Variants in ULK4 observed in about 807,000 individuals in gnomAD.
ULK4 encodes inactive serine/threonine-protein kinase ULK4.
Under a neutral mutation model 160.6 loss-of-function variants are expected in ULK4, and 133 were observed. The ratio of observed to expected loss-of-function variants is 0.83; its 90% CI spans 0.72 to 0.96. ULK4 has a LOEUF of 0.96. ULK4 is among the 40% of genes least tolerant of loss of function. ULK4 has a pLI of 0.00. For missense variants in ULK4, 1,580 were observed against 1,499.5 expected, an observed-to-expected ratio of 1.05 and a Z score of -0.89; for synonymous variants, 534 against 539.8, an observed-to-expected ratio of 0.99 and a Z score of 0.15.
intron 35 of ULK4, among the ~76,000 whole-genome samples, chr3:41,364,487 T>C (rs114377481): frequency 0.013 from 2,022 of 152,332 alleles, 47 homozygotes; most frequent in African/African-American, 0.046. Context: ...TTGGCTAGCC[T>C]GTTTCACAGG....
chr3:41,403,496 G>A (rs1441970051), intron 34 of ULK4, among the ~76,000 whole-genome samples: 8 of 152,104 alleles, frequency 5.3e-5, no homozygotes, highest in African/African-American at 1.9e-4. Context: ...TTTGTCAGTT[G>A]GATAGAGGTT....
At chr3:41,897,278 A>G (rs1052132520) in intron 14 of ULK4, among the ~76,000 whole-genome samples, 3 of 152,230 alleles carry the variant, frequency 2.0e-5, no homozygotes, top group African/African-American at 4.8e-5. Flanking sequence ...CACAACCTAC[A>G]CTATAACAAA....
chr3:41,757,108 A>G (rs2038829358), intron 21 of ULK4, among the ~76,000 whole-genome samples: 3 of 152,192 alleles, frequency 2.0e-5, no homozygotes, highest in Non-Finnish European at 1.5e-5. Flanking sequence ...TTTTCTTGAT[A>G]TATAAATATC....
At chr3:41,722,534 G>A (rs1225896961) in intron 22 of ULK4, among the ~76,000 whole-genome samples, 1 of 152,158 alleles carries the variant, frequency 6.6e-6, no homozygotes, top group African/African-American at 2.4e-5. Context: ...GGGAGGCTGA[G>A]GCAGGAGAAT....
intron 21 of ULK4, among the ~76,000 whole-genome samples, chr3:41,781,644 C>T (rs772215511): frequency 6.6e-6 from 1 of 152,086 alleles, no homozygotes; most frequent in African/African-American, 2.4e-5. Context: ...ATAAATGAAA[C>T]AAAACTGGCC....
intron 19 of ULK4, among the ~76,000 whole-genome samples, chr3:41,803,898 G>A (rs1441177130): frequency 1.5e-4 from 23 of 152,164 alleles, no homozygotes; most frequent in Admixed American, 1.2e-3. Context: ...TTGGACATTT[G>A]GATTGGTTCC....
chr3:41,480,099 C>T lies in ULK4; in HGVS notation c.3227-16846G>A, dbSNP rs376093633. Among the ~76,000 whole-genome samples, 8 of 150,076 alleles carry T rather than the reference C, an allele frequency of 5.3e-5. No individual in the cohort carries two copies. In the East Asian group the frequency reaches 8.0e-4, roughly 15 times the overall value. On this transcript the variant is annotated intron_variant, in intron 32 of 36. Coordinates refer to ENST00000301831, the MANE Select transcript of ULK4 (RefSeq NM_017886.4). ...GCGGGCGCCTGTAGTCCCAGCTACT[C>T]GGGAAGCTGAGGCAGGAGAATGACG...
At chr3:41,754,874 G>C (rs2038745831) in intron 21 of ULK4, among the ~76,000 whole-genome samples, 1 of 152,150 alleles carries the variant, frequency 6.6e-6, no homozygotes, top group East Asian at 1.9e-4. Flanking sequence ...ACTACATGTA[G>C]ATATAAATCT....
intron 2 of ULK4, among the ~76,000 whole-genome samples, chr3:41,947,849 G>C (rs886912087): frequency 6.6e-6 from 1 of 151,944 alleles, no homozygotes; most frequent in African/African-American, 2.4e-5. Flanking sequence ...GGATCATTTC[G>C]CCCTCTAACA....
At chr3:41,392,092 G>A (rs535639266) in intron 35 of ULK4, among the ~76,000 whole-genome samples, 1 of 152,166 alleles carries the variant, frequency 6.6e-6, no homozygotes, top group East Asian at 1.9e-4. Flanking sequence ...TAAAAGACAA[G>A]TAGCTAATCT....
At chr3:41,634,234 C>T (rs558370049) in intron 30 of ULK4, among the ~76,000 whole-genome samples, 3 of 152,258 alleles carry the variant, frequency 2.0e-5, no homozygotes, top group African/African-American at 7.2e-5. Flanking sequence ...TGTCCTTGTG[C>T]TTTTGCCTGA....
intron 27 of ULK4, among the ~76,000 whole-genome samples, chr3:41,685,468 C>A (rs549931235): frequency 1.3e-5 from 2 of 152,186 alleles, no homozygotes; most frequent in Non-Finnish European, 2.9e-5. Context: ...CTCTGTTGTT[C>A]TTCTATGCTC....
chr3:41,470,761 G>A lies in ULK4; in HGVS notation c.3227-7508C>T, dbSNP rs183457880. On this transcript the variant is annotated intron_variant, in intron 32 of 36. Coordinates refer to ENST00000301831, the MANE Select transcript of ULK4 (RefSeq NM_017886.4). ...GTAAAGCTGTATGCAAAGTTAAGAAGTTAGCAGCTTGAAACAGACTGTTAT... is the reference window on the plus strand; with the variant it reads ...GTAAAGCTGTATGCAAAGTTAAGAAATTAGCAGCTTGAAACAGACTGTTAT... Among the ~76,000 whole-genome samples, 57 of 152,272 alleles carry A rather than the reference G, an allele frequency of 3.7e-4. No homozygotes were observed. The East Asian group carries it at 0.01, about 27-fold the overall frequency.
intron 1 of ULK4, among the ~76,000 whole-genome samples, chr3:41,956,612 A>T (rs538874157): frequency 6.6e-6 from 1 of 152,234 alleles, no homozygotes; most frequent in South Asian, 2.1e-4. Flanking sequence ...AGACCTTATT[A>T]ATTATGAGAA....
At chr3:41,837,885 C>T (rs1003274093) in intron 17 of ULK4, among the ~76,000 whole-genome samples, 2 of 152,122 alleles carry the variant, frequency 1.3e-5, no homozygotes, top group African/African-American at 2.4e-5. Context: ...TATTGCTGAA[C>T]GTATTCTATT....
At chr3:41,316,137 A>C (rs909298563) in intron 35 of ULK4, among the ~76,000 whole-genome samples, 2 of 152,264 alleles carry the variant, frequency 1.3e-5, no homozygotes, top group African/African-American at 4.8e-5. Context: ...GAAAAGCCCA[A>C]ATGACCATCA....
rs372610184 is a variant in ULK4, at chr3:41,791,266, T to A, written c.2011-1423A>T. Among the ~76,000 whole-genome samples the A allele has an allele frequency of 4.6e-5, 7 of 152,148 alleles. No individual in the cohort carries two copies. In the East Asian group the frequency reaches 1.3e-3, roughly 29 times the overall value. On this transcript the variant is annotated intron_variant, in intron 20 of 36. Coordinates refer to ENST00000301831, the MANE Select transcript of ULK4 (RefSeq NM_017886.4). ...GCCTTGGCCTCCCAAAGTGCTGGGA[T>A]TACAGACATGAGCCACCGCATCTGG...
chr3:41,953,165 T>C (rs1025254333), intron 2 of ULK4, among the ~76,000 whole-genome samples: 4 of 151,772 alleles, frequency 2.6e-5, no homozygotes, highest in Non-Finnish European at 5.9e-5. Flanking sequence ...ATCCCTAAAC[T>C]GTACAATTAA....
chr3:41,899,130 C>T (rs1460372008), intron 13 of ULK4: 2 of 152,318 alleles, frequency 1.3e-5, no homozygotes, highest in South Asian at 2.1e-4. Context: ...GACACCACTC[C>T]AGGAAGCCAT....
Sources: allele counts gnomAD v4.1 joint callset (sites outside exome capture counted in the v4.1 genomes callset), GRCh38; gene constraint gnomAD v4.1.1; transcripts MANE v1.5; gene names NCBI Gene and HGNC (gene_info 2026-07-23, HGNC 2026-07-21).